The following ASB1 variants were observed in gnomAD, a reference collection of about 807,000 sequenced individuals.
The protein encoded by ASB1 is ankyrin repeat and SOCS box containing 1, also known as ankyrin repeat and SOCS box protein 1.
A neutral mutation model predicts 27.7 loss-of-function variants in ASB1; 18 were observed. That is an observed-to-expected ratio of 0.65 (90% CI 0.45 to 0.96). The LOEUF (loss-of-function observed/expected upper bound fraction) is 0.96, where lower values mean the gene tolerates loss of function less well. ASB1 is among the 50% of genes least tolerant of loss of function. The probability of loss-of-function intolerance (pLI) is 0.00; values close to 1 mark genes in which losing one functional copy is unlikely to be tolerated. For synonymous variants in ASB1, 189 were observed against 187.6 expected (o/e 1.01, Z -0.06); for missense variants, 397 against 451.7 (o/e 0.88, Z 1.10).
chr2:238,440,611 G>T (rs1702061119), intron 3 of ASB1, among the ~76,000 whole-genome samples: 2 of 152,166 alleles, frequency 1.3e-5, no homozygotes, highest in South Asian at 2.1e-4. Context: ...ACCTTGTCAG[G>T]ACTCTGACTC....
chr2:238,431,812 T>C (rs982037822), intron 1 of ASB1, among the ~76,000 whole-genome samples: 27 of 152,344 alleles, frequency 1.8e-4, no homozygotes, highest in African/African-American at 6.3e-4. Flanking sequence ...ATTAAGTTCA[T>C]TGTCTCATAT....
At chr2:238,444,979 C>CTTTTTTTTTTTTTTTTTT (rs34563680) in intron 4 of ASB1, among the ~76,000 whole-genome samples, 1 of 117,890 alleles carries the variant, frequency 8.5e-6, no homozygotes. Context: ...CTCGCGCTCT[C>CTTTTTTTTTTTTTTTTTT]TTTTTTTTTT....
At chr2:238,439,997 A>G (rs1040580051) in intron 3 of ASB1, among the ~76,000 whole-genome samples, 1 of 152,180 alleles carries the variant, frequency 6.6e-6, no homozygotes, top group African/African-American at 2.4e-5. Context: ...GTTATAATTC[A>G]TTATTATTGT....
At position 238,444,741 on chromosome 2, in the gene ASB1, G is replaced by C; in HGVS notation, c.880+14G>C. The C allele has an allele frequency of 1.3e-6, 2 of 1,590,278 alleles. No individual in the cohort carries two copies. Among genetic ancestry groups the C allele is most frequent in the Non-Finnish European group, 1.7e-6 (2 of 1,167,410 alleles). ...AAGAGGCCAGAAGTAAGTGGCTTGAGTTCAGCTCTGACTTGTGGGCTGGGT... is the reference window on the plus strand; with the variant it reads ...AAGAGGCCAGAAGTAAGTGGCTTGACTTCAGCTCTGACTTGTGGGCTGGGT... On this transcript the variant is annotated intron_variant, in intron 4 of 4. Transcript: ENST00000264607.
intron 1 of ASB1, among the ~76,000 whole-genome samples, chr2:238,429,633 C>T (rs1270013405): frequency 6.6e-6 from 1 of 152,098 alleles, no homozygotes; most frequent in Non-Finnish European, 1.5e-5. Flanking sequence ...ATACTATGAT[C>T]TATTAAGAGT....
At chr2:238,436,672 T>G (rs1457530419) in intron 3 of ASB1, among the ~76,000 whole-genome samples, 3 of 152,136 alleles carry the variant, frequency 2.0e-5, no homozygotes, top group Non-Finnish European at 4.4e-5. Flanking sequence ...TTCTTCTTAT[T>G]TTTTAATGTC....
chr2:238,451,825 C>A lies in ASB1; in HGVS notation c.*5314C>A, dbSNP rs1242430930. On this transcript the variant is annotated 3_prime_UTR_variant, in exon 5 of 5. Transcript: ENST00000264607. ...GTGCGAAATCTTGGTATTCGCATTTCAAGAAGGGAGTTCTTTTTTCTTTCT... is the reference window on the plus strand; with the variant it reads ...GTGCGAAATCTTGGTATTCGCATTTAAAGAAGGGAGTTCTTTTTTCTTTCT... 4 of 152,570 alleles carry A rather than the reference C, an allele frequency of 2.6e-5. No individual in the cohort carries two copies. Among genetic ancestry groups the A allele is most frequent in the Non-Finnish European group, 5.9e-5 (4 of 68,032 alleles). The allele number at this position is 152,570 out of a possible 1,614,324, so 9.5% of individuals were successfully genotyped here. A position where few individuals can be genotyped will look rare whatever the true frequency, so the allele number is the denominator to read the frequency against.
chr2:238,434,785 A>C (rs1009963263), intron 2 of ASB1, among the ~76,000 whole-genome samples: 1 of 152,194 alleles, frequency 6.6e-6, no homozygotes, highest in Non-Finnish European at 1.5e-5. Flanking sequence ...AAGTCTTTCT[A>C]TATTGCATTT....
In ASB1 at chr2:238,446,667, G is replaced by T; in HGVS notation, c.*156G>T. The T allele has an allele frequency of 1.1e-6, 1 of 895,432 alleles. No individual in the cohort carries two copies. The highest frequency in any genetic ancestry group is 1.8e-6 in the Non-Finnish European group (1 of 568,138). The allele number at this position is 895,432 out of a possible 1,614,324, so 55.5% of individuals were successfully genotyped here. ...TCATTGCTCCTCAGGTGCCTGGGCC[G>T]CTGAACAGTCCTTGGGTCATTGTCA... On this transcript the variant is annotated 3_prime_UTR_variant, in exon 5 of 5. Transcript: ENST00000264607.
intron 3 of ASB1, among the ~76,000 whole-genome samples, chr2:238,436,803 A>C (rs1196205804): frequency 6.7e-6 from 1 of 149,412 alleles, no homozygotes; most frequent in Non-Finnish European, 1.5e-5. Context: ...TTGTCATTGG[A>C]TCTGCCAGAA....
intron 2 of ASB1, 94 bp from the exon 3 acceptor site, chr2:238,435,617 G>T: frequency 7.7e-7 from 1 of 1,305,380 alleles, no homozygotes; most frequent in Non-Finnish European, 1.0e-6. Context: ...AACCAGAGGG[G>T]GACCGTGTCC....
In ASB1 at chr2:238,435,813, C is replaced by G; in HGVS notation, c.294C>G (p.Ile98Met). 6.2e-7 allele frequency: 1 copy of G among 1,614,242 alleles called. No homozygotes were observed. The highest frequency in any genetic ancestry group is 8.5e-7 in the Non-Finnish European group (1 of 1,180,044). The change falls in exon 3 of 5, where the codon ATC becomes ATG. Residue 98 changes from isoleucine to methionine, a missense_variant. Ile to Met is a conservative substitution (Grantham distance 10). Coordinates refer to ENST00000264607, the MANE Select transcript of ASB1 (RefSeq NM_001040445.3). ...AGHGSCVDFL[I>M]RKGAEVDLVD... ...ATGGGAGCTGTGTGGACTTCCTCAT[C>G]CGGAAGGGGGCCGAGGTGGATCTGG...
At chr2:238,434,578 AT>A (rs1418655367) in intron 2 of ASB1, among the ~76,000 whole-genome samples, 1 of 152,216 alleles carries the variant, frequency 6.6e-6, no homozygotes, top group Non-Finnish European at 1.5e-5. Context: ...GTATTTCTTC[AT>A]TTCCTTCTAG....
chr2:238,445,263 G>A (rs1165561546), intron 4 of ASB1, among the ~76,000 whole-genome samples: 1 of 152,176 alleles, frequency 6.6e-6, no homozygotes, highest in East Asian at 1.9e-4. Flanking sequence ...ACAGGCACGA[G>A]CCACTGCTTT....
At chr2:238,440,931 G>A (rs1207979885) in intron 3 of ASB1, among the ~76,000 whole-genome samples, 3 of 152,170 alleles carry the variant, frequency 2.0e-5, no homozygotes, top group African/African-American at 4.8e-5. Context: ...ACATGCCCAC[G>A]TGGAGAGCTG....
At chr2:238,427,522 C>T (rs981499150) in intron 1 of ASB1, 5 of 165,718 alleles carry the variant, frequency 3.0e-5, no homozygotes, top group Non-Finnish European at 6.5e-5. Context: ...TTTCACCATT[C>T]TGCCGCCCAC....
chr2:238,428,047 G>A (rs1701795851), intron 1 of ASB1, among the ~76,000 whole-genome samples: 1 of 152,162 alleles, frequency 6.6e-6, no homozygotes, highest in African/African-American at 2.4e-5. Flanking sequence ...ACCTGCTGTT[G>A]GCTAGACCCA....
chr2:238,450,721 A>T lies in ASB1; in HGVS notation c.*4210A>T, dbSNP rs1056127188. ...CTGGCCACCCCTGGATCCATGGGAC[A>T]CACTCACAGGAAGCTGATGTGGCCT... On this transcript the variant is annotated 3_prime_UTR_variant, in exon 5 of 5. Coordinates refer to ENST00000264607, the MANE Select transcript of ASB1 (RefSeq NM_001040445.3). 6.6e-6 allele frequency: 1 copy of T among 151,758 alleles called. No homozygotes were observed. Among genetic ancestry groups the T allele is most frequent in the Non-Finnish European group, 1.5e-5 (1 of 67,992 alleles). 9.4% of individuals were successfully genotyped at this position (151,758 alleles called of 1,614,324 possible).
At position 238,444,465 on chromosome 2, in the gene ASB1, G is replaced by T. The variant is rs768165833; in HGVS notation, c.618G>T (p.Gln206His). 5 of 1,614,194 alleles carry T rather than the reference G, an allele frequency of 3.1e-6. No individual in the cohort carries two copies. Among genetic ancestry groups the T allele is most frequent in the Non-Finnish European group, 4.2e-6 (5 of 1,180,042 alleles). ...TCAGCGCAGCCTACCACAACCTCCA[G>T]TGCTTCCGGCTGCTCCTCCTGGCTG... The part of the protein sequence containing the change: ...LYISAAYHNL[Q>H]CFRLLLLAGA... Residue 206 changes from glutamine (Q) to histidine (H), a missense_variant, in exon 4 of 5, where the codon CAG becomes CAT. Gln to His is a conservative substitution (Grantham distance 24). Coordinates refer to ENST00000264607, the MANE Select transcript of ASB1 (RefSeq NM_001040445.3).
Sources: gnomAD v4.1 joint callset for allele counts (sites outside exome capture counted in the v4.1 genomes callset) on GRCh38, gnomAD v4.1.1 for gene constraint, MANE v1.5 for transcripts, NCBI Gene and HGNC (gene_info 2026-07-23, HGNC 2026-07-21) for gene names.